Variants in SRGAP3 observed in about 807,000 individuals in gnomAD.
SRGAP3 encodes SLIT-ROBO Rho GTPase activating protein 3, also known as SLIT-ROBO Rho GTPase-activating protein 3.
SRGAP3 carries 39 observed loss-of-function variants against 121.1 expected under a neutral mutation model. The observed-to-expected ratio is 0.32, with a 90% CI of 0.25 to 0.42. SRGAP3 has a LOEUF of 0.42. SRGAP3 is among the 10% of genes least tolerant of loss of function. SRGAP3 has a pLI of 1.00. For missense variants in SRGAP3, 1,213 were observed against 1,470.6 expected (o/e 0.82, Z 2.86); for synonymous variants, 601 against 570.0 (o/e 1.05, Z -0.77).
intron 12 of SRGAP3, among the ~76,000 whole-genome samples, chr3:9,027,896 C>G (rs1407360580): frequency 6.6e-6 from 1 of 152,194 alleles, no homozygotes; most frequent in African/African-American, 2.4e-5. Flanking sequence ...GTAATATGCT[C>G]TTGTGAAGAC....
At chr3:9,104,613 G>GTA (rs1190521346) in intron 3 of SRGAP3, 67 bp downstream of exon 3, 1 of 1,597,250 alleles carries the variant, frequency 6.3e-7, no homozygotes, top group East Asian at 2.2e-5. Context: ...ACCCTGGCTG[G>GTA]TATACTGTTA....
At chr3:9,230,765 C>A (rs1953175044) in intron 1 of SRGAP3, among the ~76,000 whole-genome samples, 1 of 151,018 alleles carries the variant, frequency 6.6e-6, no homozygotes, top group Non-Finnish European at 1.5e-5. Context: ...CCCAGCTACG[C>A]AGGAGTCTGA....
chr3:9,350,355 T>C (rs959919171), intron 1 of SRGAP3, among the ~76,000 whole-genome samples: 1 of 152,006 alleles, frequency 6.6e-6, no homozygotes, highest in Non-Finnish European at 1.5e-5. Context: ...AGAAAAGAGA[T>C]AGGAAAGGCA....
intron 9 of SRGAP3, among the ~76,000 whole-genome samples, chr3:9,047,779 C>T (rs1289502432): frequency 6.6e-6 from 1 of 152,198 alleles, no homozygotes; most frequent in Non-Finnish European, 1.5e-5. Context: ...CAGGTAAGGG[C>T]CACGGGGAGA....
intron 1 of SRGAP3, among the ~76,000 whole-genome samples, chr3:9,202,320 C>T (rs114266509): frequency 7.4e-4 from 113 of 152,330 alleles, no homozygotes; most frequent in African/African-American, 2.7e-3. Flanking sequence ...ATCTGCCAGC[C>T]TTGGCCTCTT....
chr3:9,331,175 C>T (rs942754611), intron 1 of SRGAP3, among the ~76,000 whole-genome samples: 4 of 152,140 alleles, frequency 2.6e-5, no homozygotes, highest in African/African-American at 7.2e-5. Flanking sequence ...AACAAACACA[C>T]ACAAATAGCT....
chr3:9,302,164 A>C (rs1051977669), intron 3 of SRGAP3, among the ~76,000 whole-genome samples: 1 of 152,138 alleles, frequency 6.6e-6, no homozygotes, highest in Non-Finnish European at 1.5e-5. Context: ...TGGGAAACTT[A>C]GTGAGCCCCC....
At chr3:9,075,143 TAGA>T (rs1211672416) in intron 4 of SRGAP3, among the ~76,000 whole-genome samples, 2 of 152,246 alleles carry the variant, frequency 1.3e-5, no homozygotes, top group African/African-American at 4.8e-5. Context: ...TTGCCTCTTC[TAGA>T]AGGATTGCCA....
intron 1 of SRGAP3, among the ~76,000 whole-genome samples, chr3:9,151,920 A>G (rs1016238316): frequency 2.0e-4 from 31 of 152,196 alleles, no homozygotes; most frequent in African/African-American, 6.8e-4. Flanking sequence ...CAAGGGAGAG[A>G]GAAGACAAGG....
At chr3:9,252,223 C>T (rs1389346733), upstream of SRGAP3, among the ~76,000 whole-genome samples, 1 of 152,126 alleles carries the variant, frequency 6.6e-6, no homozygotes, top group East Asian at 1.9e-4. Context: ...TTGGAAGCTT[C>T]CTGAGGCCTC....
At chr3:9,187,919 C>G (rs937236290) in intron 1 of SRGAP3, among the ~76,000 whole-genome samples, 1 of 152,156 alleles carries the variant, frequency 6.6e-6, no homozygotes, top group Non-Finnish European at 1.5e-5. Context: ...CACAACAAAT[C>G]CCCCAAACTC....
intron 9 of SRGAP3, chr3:9,049,442 A>C (rs1318599358): frequency 1.1e-5 from 5 of 456,088 alleles, no homozygotes; most frequent in Admixed American, 2.3e-5. Context: ...CTTGGATGGC[A>C]AATGGGGAAA....
At chr3:9,276,357 A>T (rs889070378) in intron 3 of SRGAP3, among the ~76,000 whole-genome samples, 1 of 149,652 alleles carries the variant, frequency 6.7e-6, no homozygotes, top group Non-Finnish European at 1.5e-5. Flanking sequence ...GTCTTGCTGG[A>T]CCCTCCTTCA....
At position 8,988,969 on chromosome 3, in the gene SRGAP3, C is replaced by T. The variant is rs571233462; in HGVS notation, c.2886+1543G>A. Reference sequence around the variant, plus strand: ...CCTGGTTCCTAACAGGCCACAGATCCATCCATGGCCCGGGGGCTGGGGGTG... The same window carrying T: ...CCTGGTTCCTAACAGGCCACAGATCTATCCATGGCCCGGGGGCTGGGGGTG... On this transcript the variant is annotated intron_variant, in intron 21 of 21. Coordinates refer to ENST00000383836, the MANE Select transcript of SRGAP3 (RefSeq NM_014850.4). Among the ~76,000 whole-genome samples, 34 of 152,326 alleles carry T rather than the reference C, an allele frequency of 2.2e-4. No individual in the cohort carries two copies. In the East Asian group the frequency reaches 6.4e-3, roughly 29 times the overall value.
chr3:9,262,579 C>T (rs534484101), intron 3 of SRGAP3, among the ~76,000 whole-genome samples: 1 of 139,342 alleles, frequency 7.2e-6, no homozygotes, highest in Admixed American at 7.6e-5. Context: ...ATCCTAGTCT[C>T]TGATAAAATA....
At chr3:9,208,444 A>C (rs574025519) in intron 1 of SRGAP3, among the ~76,000 whole-genome samples, 1 of 152,246 alleles carries the variant, frequency 6.6e-6, no homozygotes, top group East Asian at 1.9e-4. Flanking sequence ...GCAAACAGAA[A>C]ACCCACAAAG....
chr3:9,106,274 G>T (rs1007473310), intron 2 of SRGAP3, among the ~76,000 whole-genome samples: 4 of 152,210 alleles, frequency 2.6e-5, no homozygotes, highest in Admixed American at 1.3e-4. Flanking sequence ...CTTGCCCTCT[G>T]ACCCAGGGTA....
intron 1 of SRGAP3, among the ~76,000 whole-genome samples, chr3:9,156,669 C>T (rs1293611821): frequency 6.6e-6 from 1 of 152,192 alleles, no homozygotes; most frequent in African/African-American, 2.4e-5. Context: ...TTTGCTTTCC[C>T]TTAATGTATT....
rs1300147223 is a variant in SRGAP3, at chr3:9,320,364, G to A, written n.442+5646C>T. On this transcript the variant is annotated intron_variant and non_coding_transcript_variant, in intron 3 of 3. Transcript: ENST00000490889. ...TGTTGGAGGTGGGGCCTGGTGGGAG[G>A]TGGTTGGATCATGGAGGTGGATTTC... Among the ~76,000 whole-genome samples the A allele has an allele frequency of 4.6e-5, 7 of 151,914 alleles. No individual in the cohort carries two copies. The South Asian group carries it at 1.0e-3, about 22-fold the overall frequency.
Sources: allele counts gnomAD v4.1 joint callset (sites outside exome capture counted in the v4.1 genomes callset), GRCh38; gene constraint gnomAD v4.1.1; transcripts MANE v1.5; gene names NCBI Gene and HGNC (gene_info 2026-07-23, HGNC 2026-07-21).